Variants in PRKG1 observed in about 807,000 individuals in gnomAD.
The protein encoded by PRKG1 is cGMP-dependent protein kinase 1.
Under a neutral mutation model 88.1 loss-of-function variants are expected in PRKG1, and 35 were observed. That is an observed-to-expected ratio of 0.40 (90% CI 0.30 to 0.53). The LOEUF is 0.53. Ranked by LOEUF, PRKG1 falls within the 20% of genes least tolerant of loss-of-function variation. The pLI is 0.59. For missense variants in PRKG1, 540 were observed against 839.8 expected, an observed-to-expected ratio of 0.64 and a Z score of 4.41; for synonymous variants, 303 against 292.5, an observed-to-expected ratio of 1.04 and a Z score of -0.37.
chr10:52,138,602 A>G (rs1837492210), intron 8 of PRKG1, among the ~76,000 whole-genome samples: 2 of 152,048 alleles, frequency 1.3e-5, no homozygotes. Flanking sequence ...TGTCCCTACC[A>G]TCAGTGACAC....
intron 3 of PRKG1, among the ~76,000 whole-genome samples, chr10:51,725,182 A>T (rs1842103008): frequency 6.6e-6 from 1 of 152,156 alleles, no homozygotes; most frequent in Non-Finnish European, 1.5e-5. Flanking sequence ...TGTTACCAAT[A>T]GTTTGTTTTC....
At chr10:52,052,421 AT>A (rs1389314248) in intron 5 of PRKG1, among the ~76,000 whole-genome samples, 2 of 144,546 alleles carry the variant, frequency 1.4e-5, no homozygotes, top group African/African-American at 2.5e-5. Context: ...TACAAAAAAA[AT>A]AAAATAATAA....
intron 7 of PRKG1, among the ~76,000 whole-genome samples, chr10:52,083,994 A>G (rs1254666099): frequency 6.6e-6 from 1 of 152,072 alleles, no homozygotes; most frequent in Non-Finnish European, 1.5e-5. Context: ...TTACATGAAT[A>G]CATAATAATT....
In PRKG1 at chr10:51,708,006, G is replaced by T. The variant is rs1202135561; in HGVS notation, c.593-96579G>T. On this transcript the variant is annotated intron_variant, in intron 3 of 17. Transcript: ENST00000373980. ...CCAATTCCAACCAAGGTAAGCAAAG[G>T]AAGTGGTGGTTATTTTCATGACATT... 3.3e-5 allele frequency among the ~76,000 whole-genome samples: 5 copies of T among 152,182 alleles called. No individual in the cohort carries two copies. The East Asian group carries it at 7.7e-4, about 23-fold the overall frequency.
intron 2 of PRKG1, among the ~76,000 whole-genome samples, chr10:51,348,664 A>G (rs1842168819): frequency 6.6e-6 from 1 of 152,192 alleles, no homozygotes; most frequent in African/African-American, 2.4e-5. Flanking sequence ...CCTGTAGTGA[A>G]GCTTTAAGGA....
At chr10:52,247,452 A>G (rs1377122725) in intron 9 of PRKG1, among the ~76,000 whole-genome samples, 1 of 152,146 alleles carries the variant, frequency 6.6e-6, no homozygotes, top group African/African-American at 2.4e-5. Flanking sequence ...TCCTCAGGCA[A>G]AAGAAGGTTG....
At chr10:51,229,240 T>C (rs1256374499) in intron 2 of PRKG1, among the ~76,000 whole-genome samples, 3 of 152,186 alleles carry the variant, frequency 2.0e-5, no homozygotes, top group Non-Finnish European at 4.4e-5. Flanking sequence ...TAAAGCACCA[T>C]ACCTGGCAGA....
chr10:51,222,130 CCG>C (rs10582439), intron 2 of PRKG1, among the ~76,000 whole-genome samples: 18,599 of 138,434 alleles, frequency 0.13, 1,564 homozygotes, highest in African/African-American at 0.29. Flanking sequence ...GCGCCCCCCC[CCG>C]ACCCCAGCCT....
intron 5 of PRKG1, among the ~76,000 whole-genome samples, chr10:52,000,084 A>T (rs1288597257): frequency 6.6e-6 from 1 of 151,882 alleles, no homozygotes; most frequent in African/African-American, 2.4e-5. Context: ...GTTCACTCAC[A>T]CCCTTTCCAT....
chr10:51,276,417 A>G (rs539585633), intron 2 of PRKG1, among the ~76,000 whole-genome samples: 60 of 152,336 alleles, frequency 3.9e-4, no homozygotes, highest in Admixed American at 7.2e-4. Context: ...TAGTGCCGCA[A>G]TAAACATACA....
chr10:51,126,162 A>G (rs1204713482), intron 1 of PRKG1, among the ~76,000 whole-genome samples: 1 of 120,568 alleles, frequency 8.3e-6, no homozygotes, highest in Non-Finnish European at 1.6e-5. Context: ...AATTTTTTAT[A>G]TGTAATTATT....
chr10:51,039,187 T>C (rs995167778), intron 1 of PRKG1, among the ~76,000 whole-genome samples: 1 of 152,224 alleles, frequency 6.6e-6, no homozygotes, highest in Non-Finnish European at 1.5e-5. Flanking sequence ...TGTACTAATT[T>C]ACATTCCCAC....
chr10:51,704,982 G>C (rs1013258421), intron 3 of PRKG1, among the ~76,000 whole-genome samples: 2 of 152,058 alleles, frequency 1.3e-5, no homozygotes, highest in African/African-American at 4.8e-5. Flanking sequence ...AAATTGTGGT[G>C]GTTGTTCTTC....
chr10:51,018,365 A>T (rs760258260), intron 1 of PRKG1, among the ~76,000 whole-genome samples: 1 of 152,062 alleles, frequency 6.6e-6, no homozygotes, highest in African/African-American at 2.4e-5. Flanking sequence ...TCTGTATGCA[A>T]TATGTCTTCT....
intron 2 of PRKG1, among the ~76,000 whole-genome samples, chr10:51,437,276 T>C (rs1156800468): frequency 6.6e-6 from 1 of 152,050 alleles, no homozygotes; most frequent in African/African-American, 2.4e-5. Context: ...TGTAAGGAAC[T>C]AGACTATTCT....
chr10:51,694,970 A>C (rs576077304), intron 3 of PRKG1, among the ~76,000 whole-genome samples: 1 of 152,130 alleles, frequency 6.6e-6, no homozygotes, highest in Non-Finnish European at 1.5e-5. Context: ...TTTGAAATGG[A>C]AATAGTTGTT....
rs374725365 is a variant in PRKG1, at chr10:51,570,067, A to G, written c.592+102231A>G. Among the ~76,000 whole-genome samples, 1,040 of 113,002 alleles carry G rather than the reference A, an allele frequency of 9.2e-3. 47 individuals are homozygous for G. Among genetic ancestry groups the G allele is most frequent in the African/African-American group, 0.026 (730 of 27,794 alleles). 74.1% of individuals were successfully genotyped at this position (113,002 alleles called of 152,430 possible). ...CAAACTAGTATATATATATATATAT[A>G]TGTGTGTGTGTGTTTATATATGTAT... On this transcript the variant is annotated intron_variant, in intron 3 of 17. Transcript: ENST00000373980.
chr10:52,141,179 A>C (rs1315517956), intron 8 of PRKG1, among the ~76,000 whole-genome samples: 1 of 152,320 alleles, frequency 6.6e-6, no homozygotes, highest in African/African-American at 2.4e-5. Context: ...AGCAGGAAAG[A>C]TAAAATCTAG....
intron 2 of PRKG1, among the ~76,000 whole-genome samples, chr10:51,252,443 A>T (rs1839450624): frequency 6.6e-6 from 1 of 151,816 alleles, no homozygotes; most frequent in African/African-American, 2.4e-5. Context: ...TTATTTTATA[A>T]ACTTTATCAA....
Sources: allele counts gnomAD v4.1 joint callset (sites outside exome capture counted in the v4.1 genomes callset), GRCh38; gene constraint gnomAD v4.1.1; transcripts MANE v1.5; gene names NCBI Gene and HGNC (gene_info 2026-07-23, HGNC 2026-07-21).